Variants in PTPRG observed in about 807,000 individuals in gnomAD.
The protein encoded by PTPRG is receptor-type tyrosine-protein phosphatase gamma.
In PTPRG, 102 loss-of-function variants were observed where a neutral mutation model predicts 165.3. The observed-to-expected ratio is 0.62, with a 90% CI of 0.53 to 0.73. The LOEUF (loss-of-function observed/expected upper bound fraction) is 0.73. PTPRG is among the 30% of genes least tolerant of loss of function. The pLI, the probability that PTPRG is intolerant of heterozygous loss-of-function variation, is 0.00. For missense variants in PTPRG, 1,866 were observed against 1,861.4 expected (o/e 1.00, Z -0.05); for synonymous variants, 675 against 669.5 (o/e 1.01, Z -0.13).
chr3:61,999,065 T>G (rs964764913), intron 3 of PTPRG, among the ~76,000 whole-genome samples: 6 of 152,098 alleles, frequency 3.9e-5, no homozygotes, highest in Admixed American at 6.5e-5. Context: ...TCTTTTTTTT[T>G]GGATGATATC....
intron 7 of PTPRG, among the ~76,000 whole-genome samples, chr3:62,166,491 A>C (rs1704991056): frequency 6.6e-6 from 1 of 151,338 alleles, no homozygotes; most frequent in African/African-American, 2.4e-5. Context: ...ATGCACCATT[A>C]TGCCTGGCTA....
At chr3:62,066,049 T>A (rs564858107) in intron 4 of PTPRG, among the ~76,000 whole-genome samples, 1 of 152,238 alleles carries the variant, frequency 6.6e-6, no homozygotes, top group Non-Finnish European at 1.5e-5. Context: ...GTTTTCCAGA[T>A]AAAAGAGCAT....
chr3:61,692,264 C>T (rs1332974544), intron 1 of PTPRG, among the ~76,000 whole-genome samples: 1 of 152,188 alleles, frequency 6.6e-6, no homozygotes, highest in Admixed American at 6.5e-5. Flanking sequence ...TTCAAATCTC[C>T]ATGGCACAAC....
intron 4 of PTPRG, among the ~76,000 whole-genome samples, chr3:62,068,970 C>G (rs1023198757): frequency 6.6e-6 from 1 of 152,188 alleles, no homozygotes; most frequent in Non-Finnish European, 1.5e-5. Context: ...CAAAGATACC[C>G]GCTACCTACT....
At chr3:61,991,900 G>C (rs974738828) in intron 3 of PTPRG, among the ~76,000 whole-genome samples, 1 of 152,220 alleles carries the variant, frequency 6.6e-6, no homozygotes, top group Non-Finnish European at 1.5e-5. Context: ...CTCGATGCAA[G>C]CTGATTCATG....
Position 62,296,085 on chromosome 3 carries a change from C to T in PTPRG, c.*2778C>T, listed in dbSNP as rs1206897328. 2 of 151,924 alleles carry T rather than the reference C, an allele frequency of 1.3e-5. No homozygotes were observed. The highest frequency in any genetic ancestry group is 2.9e-5 in the Non-Finnish European group (2 of 67,958). The allele number at this position is 151,924 out of a possible 1,614,324, so 9.4% of individuals were successfully genotyped here. On this transcript the variant is annotated 3_prime_UTR_variant, in exon 30 of 30. Coordinates refer to ENST00000474889, the MANE Select transcript of PTPRG (RefSeq NM_002841.4). The stretch of plus-strand genomic sequence containing the variant: ...TAAAAATAAATTGCAATGATCAGAC[C>T]AAGTGGCTGTGCTGGACATCAAAGA...
intron 1 of PTPRG, among the ~76,000 whole-genome samples, chr3:61,732,082 T>G (rs2032524009): frequency 6.6e-6 from 1 of 151,990 alleles, no homozygotes; most frequent in Non-Finnish European, 1.5e-5. Context: ...GGGATTACAG[T>G]GGTGAGCCAC....
At chr3:61,611,968 A>C (rs945687558) in intron 1 of PTPRG, among the ~76,000 whole-genome samples, 1 of 152,154 alleles carries the variant, frequency 6.6e-6, no homozygotes, top group African/African-American at 2.4e-5. Context: ...TTTGAGATGG[A>C]GTCCTGCTCC....
Position 61,988,993 on chromosome 3 carries a change from A to G in PTPRG, c.191-632A>G, listed in dbSNP as rs529418139. Among the ~76,000 whole-genome samples the G allele has an allele frequency of 1.7e-3, 259 of 152,302 alleles. 2 individuals are homozygous for G. The highest frequency in any genetic ancestry group is 6.1e-3 in the African/African-American group (254 of 41,550). On this transcript the variant is annotated intron_variant, in intron 2 of 29. Transcript: ENST00000474889. Reference sequence around the variant, plus strand: ...TATATGAGTACAGAGTCCAGTCTGAAGGTAACTTTATACCTGCATTTTCTA... The same window carrying G: ...TATATGAGTACAGAGTCCAGTCTGAGGGTAACTTTATACCTGCATTTTCTA...
At chr3:61,717,822 T>G (rs2031870923) in intron 1 of PTPRG, among the ~76,000 whole-genome samples, 1 of 151,916 alleles carries the variant, frequency 6.6e-6, no homozygotes, top group Non-Finnish European at 1.5e-5. Flanking sequence ...CCAAAAGATT[T>G]GTGTTTTATT....
intron 1 of PTPRG, among the ~76,000 whole-genome samples, chr3:61,738,312 A>ATGTG (rs1559583407): frequency 0.024 from 1,414 of 59,340 alleles, 260 homozygotes; most frequent in Middle Eastern, 0.044. Context: ...ATATATATAT[A>ATGTG]CATATATATA....
chr3:61,659,925 A>G (rs1482534301), intron 1 of PTPRG, among the ~76,000 whole-genome samples: 1 of 152,174 alleles, frequency 6.6e-6, no homozygotes, highest in Non-Finnish European at 1.5e-5. Context: ...TGAACATAGT[A>G]TGAGAAAGAA....
At chr3:62,154,644 A>T (rs991356316) in intron 6 of PTPRG, among the ~76,000 whole-genome samples, 2 of 151,974 alleles carry the variant, frequency 1.3e-5, no homozygotes, top group Admixed American at 1.3e-4. Context: ...GTGTGTTTAG[A>T]TGGGGGCTCG....
At chr3:62,010,758 A>C (rs1392647737) in intron 4 of PTPRG, among the ~76,000 whole-genome samples, 1 of 152,248 alleles carries the variant, frequency 6.6e-6, no homozygotes, top group African/African-American at 2.4e-5. Context: ...TTTTATCATT[A>C]GAACTGTCAT....
intron 1 of PTPRG, among the ~76,000 whole-genome samples, chr3:61,679,037 A>G (rs1220301075): frequency 1.3e-5 from 2 of 152,150 alleles, no homozygotes; most frequent in Non-Finnish European, 2.9e-5. Context: ...AGAGGGAAGA[A>G]TATTCACAAA....
chr3:61,978,912 GGA>G (rs1299294826), intron 2 of PTPRG, among the ~76,000 whole-genome samples: 3 of 152,126 alleles, frequency 2.0e-5, no homozygotes, highest in Admixed American at 2.0e-4. Flanking sequence ...CCGTAGATCT[GGA>G]ATTGACTGTT....
At chr3:61,871,782 G>C (rs896142753) in intron 2 of PTPRG, among the ~76,000 whole-genome samples, 1 of 152,182 alleles carries the variant, frequency 6.6e-6, no homozygotes, top group Admixed American at 6.5e-5. Context: ...AGGCCTTTTG[G>C]AATTGCAGCT....
chr3:61,710,936 G>A (rs1329276852), intron 1 of PTPRG, among the ~76,000 whole-genome samples: 1,598 of 151,462 alleles, frequency 0.011, 35 homozygotes, highest in African/African-American at 0.036. Flanking sequence ...CCCGCCCCCA[G>A]AGAGGCCCTG....
At chr3:61,753,651 C>G (rs1010601836) in intron 2 of PTPRG, 1 of 431,448 alleles carries the variant, frequency 2.3e-6, no homozygotes, top group Non-Finnish European at 4.5e-6. Flanking sequence ...GTGCCTCGAT[C>G]TCAGCTCACT....
Sources: gnomAD v4.1 joint callset for allele counts (sites outside exome capture counted in the v4.1 genomes callset) on GRCh38, gnomAD v4.1.1 for gene constraint, MANE v1.5 for transcripts, NCBI Gene and HGNC (gene_info 2026-07-23, HGNC 2026-07-21) for gene names.